Variants in GRID1 observed in about 807,000 individuals in gnomAD.
The protein encoded by GRID1 is glutamate receptor ionotropic, delta-1.
Under a neutral mutation model 98.0 loss-of-function variants are expected in GRID1, and 28 were observed. The ratio of observed to expected loss-of-function variants is 0.29; its 90% CI spans 0.21 to 0.39. GRID1 has a LOEUF of 0.39. Among genes scored for constraint, GRID1 ranks in the 10% least tolerant of loss-of-function variants. GRID1 has a pLI of 1.00. For synonymous variants in GRID1, 553 were observed against 538.5 expected, an observed-to-expected ratio of 1.03 and a Z score of -0.37; for missense variants, 1,111 against 1,340.5, an observed-to-expected ratio of 0.83 and a Z score of 2.67.
intron 5 of GRID1, among the ~76,000 whole-genome samples, chr10:85,875,027 G>T (rs1273586132): frequency 1.3e-5 from 2 of 151,932 alleles, no homozygotes; most frequent in Admixed American, 1.3e-4. Flanking sequence ...CACTACGCCT[G>T]GCTATTTTTA....
Position 85,647,410 on chromosome 10 carries a change from A to C in GRID1, c.1998-13T>G. 3 of 1,609,034 alleles carry C rather than the reference A, an allele frequency of 1.9e-6. No homozygotes were observed. The highest frequency in any genetic ancestry group is 2.6e-6 in the Non-Finnish European group (3 of 1,175,624). On this transcript the variant is annotated splice_polypyrimidine_tract_variant and intron_variant, in intron 12 of 15. Transcript: ENST00000327946. ...GTCCTGGAAAGTCCTGAAATGCAGA[A>C]AGGCAGCGAGGCATGAGTACATGCT...
chr10:85,727,243 G>A (rs546041251), intron 10 of GRID1, among the ~76,000 whole-genome samples: 1 of 152,306 alleles, frequency 6.6e-6, no homozygotes, highest in South Asian at 2.1e-4. Flanking sequence ...AAATAATGGA[G>A]ATGGAGGATT....
intron 8 of GRID1, among the ~76,000 whole-genome samples, chr10:85,757,511 G>T (rs1480466413): frequency 6.6e-6 from 1 of 152,228 alleles, no homozygotes; most frequent in African/African-American, 2.4e-5. Flanking sequence ...AATCTGGGTG[G>T]TCTTACAAAC....
intron 2 of GRID1, among the ~76,000 whole-genome samples, chr10:86,287,034 T>G (rs1902690): frequency 0.79 from 120,563 of 152,128 alleles, 49,688 homozygotes; most frequent in Non-Finnish European, 0.91. Context: ...TCCAGGCAGT[T>G]CCGTAGGGAC....
chr10:86,312,517 G>A lies in GRID1; in HGVS notation c.235+51424C>T, dbSNP rs74921929. ...TCAAAAGCCTTGGTTCTGCCTCCCCGAAGTCCATGGAGAGGCCCATCTTAG... is the reference window on the plus strand; with the variant it reads ...TCAAAAGCCTTGGTTCTGCCTCCCCAAAGTCCATGGAGAGGCCCATCTTAG... On this transcript the variant is annotated intron_variant, in intron 2 of 15. Coordinates refer to ENST00000327946, the MANE Select transcript of GRID1 (RefSeq NM_017551.3). Among the ~76,000 whole-genome samples the A allele has an allele frequency of 4.1e-3, 621 of 152,258 alleles. 1 individual carries two copies. The highest frequency in any genetic ancestry group is 4.5e-3 in the Non-Finnish European group (309 of 68,020).
At chr10:85,933,284 TTAAAAAAAA>T (rs1031494664) in intron 4 of GRID1, among the ~76,000 whole-genome samples, 2 of 74,068 alleles carry the variant, frequency 2.7e-5, no homozygotes, top group African/African-American at 5.6e-5. Flanking sequence ...TCTCTGTTCT[TTAAAAAAAA>T]AAAAAAAAAA....
chr10:86,204,450 C>G (rs74149224), intron 3 of GRID1, among the ~76,000 whole-genome samples: 2,061 of 152,252 alleles, frequency 0.014, 39 homozygotes, highest in African/African-American at 0.044. Context: ...GAGGGCAGGA[C>G]GAGCATGTCT....
chr10:85,847,929 C>G (rs1843022347), intron 8 of GRID1, among the ~76,000 whole-genome samples: 1 of 152,010 alleles, frequency 6.6e-6, no homozygotes, highest in South Asian at 2.1e-4. Context: ...ATATTGAACA[C>G]AAATAACTAT....
chr10:86,232,501 A>G (rs1168931089), intron 2 of GRID1, among the ~76,000 whole-genome samples: 1 of 152,062 alleles, frequency 6.6e-6, no homozygotes, highest in Non-Finnish European at 1.5e-5. Flanking sequence ...TGTATTTCCC[A>G]CCCATCCTGA....
intron 8 of GRID1, among the ~76,000 whole-genome samples, chr10:85,851,986 C>T (rs994999494): frequency 6.6e-6 from 1 of 152,106 alleles, no homozygotes; most frequent in African/African-American, 2.4e-5. Context: ...GAAACTACCA[C>T]TCAGCTCTGC....
At chr10:85,752,349 A>T (rs563066361) in intron 8 of GRID1, among the ~76,000 whole-genome samples, 1 of 152,230 alleles carries the variant, frequency 6.6e-6, no homozygotes, top group Non-Finnish European at 1.5e-5. Context: ...CCTCATGCCA[A>T]GGTCAAAACA....
intron 8 of GRID1, among the ~76,000 whole-genome samples, chr10:85,777,737 T>G (rs1467401134): frequency 2.0e-5 from 3 of 152,188 alleles, no homozygotes; most frequent in Non-Finnish European, 4.4e-5. Context: ...ACCATGGGAC[T>G]CTCCCAGTTT....
At chr10:85,675,494 C>G (rs1424081256) in intron 12 of GRID1, among the ~76,000 whole-genome samples, 1 of 152,180 alleles carries the variant, frequency 6.6e-6, no homozygotes, top group Non-Finnish European at 1.5e-5. Flanking sequence ...ACGTGTATCA[C>G]TTGGGGAATT....
intron 12 of GRID1, among the ~76,000 whole-genome samples, chr10:85,652,799 G>C (rs1363661431): frequency 2.6e-5 from 4 of 152,116 alleles, no homozygotes; most frequent in Non-Finnish European, 5.9e-5. Context: ...GCAGGGGAAG[G>C]CTTCCTAGGT....
At chr10:85,721,359 A>G (rs984082678) in intron 12 of GRID1, among the ~76,000 whole-genome samples, 2 of 152,194 alleles carry the variant, frequency 1.3e-5, no homozygotes, top group Non-Finnish European at 1.5e-5. Context: ...ATCACATGTA[A>G]ATGAAAACTC....
intron 12 of GRID1, among the ~76,000 whole-genome samples, chr10:85,666,816 T>A (rs1841023615): frequency 6.6e-6 from 1 of 152,054 alleles, no homozygotes; most frequent in African/African-American, 2.4e-5. Flanking sequence ...AGCTGGCTCC[T>A]CCCCCATACA....
chr10:85,649,336 G>A (rs773910263), intron 12 of GRID1, among the ~76,000 whole-genome samples: 1 of 152,116 alleles, frequency 6.6e-6, no homozygotes, highest in Non-Finnish European at 1.5e-5. Context: ...CATTACAGAT[G>A]AAAGGAAACA....
chr10:86,324,109 G>A (rs762284264), intron 2 of GRID1, among the ~76,000 whole-genome samples: 2 of 152,056 alleles, frequency 1.3e-5, no homozygotes, highest in Admixed American at 6.6e-5. Flanking sequence ...AACCCAGGAC[G>A]CAGAGATTGC....
chr10:86,317,552 C>T (rs554972141), intron 2 of GRID1, among the ~76,000 whole-genome samples: 8 of 152,192 alleles, frequency 5.3e-5, no homozygotes, highest in African/African-American at 1.9e-4. Context: ...CATCCTTGCA[C>T]CCCACTTCTG....
Sources: allele counts gnomAD v4.1 joint callset (sites outside exome capture counted in the v4.1 genomes callset), GRCh38; gene constraint gnomAD v4.1.1; transcripts MANE v1.5; gene names NCBI Gene and HGNC (gene_info 2026-07-23, HGNC 2026-07-21).